Variants in RAD54L2 observed in about 807,000 individuals in gnomAD.
The protein encoded by RAD54L2 is helicase ARIP4.
RAD54L2 carries 27 observed loss-of-function variants against 138.4 expected under a neutral mutation model. The ratio of observed to expected loss-of-function variants is 0.20; its 90% CI spans 0.14 to 0.27. The LOEUF (loss-of-function observed/expected upper bound fraction) is 0.27. Ranked by LOEUF, RAD54L2 falls within the 10% of genes least tolerant of loss-of-function variation. The pLI, the probability that RAD54L2 is intolerant of heterozygous loss-of-function variation, is 1.00. For missense variants in RAD54L2, 1,396 were observed against 1,890.2 expected (o/e 0.74, Z 4.85); for synonymous variants, 644 against 723.2 (o/e 0.89, Z 1.76).
At chr3:51,608,847 G>A (rs1330079928) in intron 3 of RAD54L2, among the ~76,000 whole-genome samples, 2 of 152,128 alleles carry the variant, frequency 1.3e-5, no homozygotes, top group African/African-American at 4.8e-5. Flanking sequence ...GAGGGAGACC[G>A]TGCAAAGAGG....
At chr3:51,626,027 C>T (rs1432862476) in intron 3 of RAD54L2, among the ~76,000 whole-genome samples, 2 of 151,766 alleles carry the variant, frequency 1.3e-5, no homozygotes, top group Non-Finnish European at 2.9e-5. Context: ...GGTGAAATCC[C>T]AATAAAGTCT....
intron 3 of RAD54L2, among the ~76,000 whole-genome samples, chr3:51,618,929 G>A (rs1185331330): frequency 6.6e-6 from 1 of 152,216 alleles, no homozygotes; most frequent in Non-Finnish European, 1.5e-5. Context: ...TGCTGAAGCT[G>A]CTGTGGGATA....
chr3:51,589,701 CACACACAT>C (rs988924990), intron 2 of RAD54L2, among the ~76,000 whole-genome samples: 5 of 151,678 alleles, frequency 3.3e-5, no homozygotes, highest in African/African-American at 9.7e-5. Context: ...CACACACACA[CACACACAT>C]ACACACACAT....
At chr3:51,628,054 T>G (rs2106792201) in intron 4 of RAD54L2, among the ~76,000 whole-genome samples, 1 of 152,254 alleles carries the variant, frequency 6.6e-6, no homozygotes, top group East Asian at 1.9e-4. Context: ...GACTTTCCGG[T>G]TTTTCCTCTA....
chr3:51,634,715 A>AC (rs1221941069), intron 9 of RAD54L2, among the ~76,000 whole-genome samples: 1 of 152,080 alleles, frequency 6.6e-6, no homozygotes, highest in Non-Finnish European at 1.5e-5. Flanking sequence ...TTTCTTAAAA[A>AC]CCTAATCATT....
At chr3:51,593,329 T>C (rs920358232) in intron 3 of RAD54L2, among the ~76,000 whole-genome samples, 1 of 151,674 alleles carries the variant, frequency 6.6e-6, no homozygotes, top group African/African-American at 2.4e-5. Context: ...CAGCCCCTTT[T>C]TTTTTTTTTT....
Position 51,570,050 on chromosome 3 carries a change from C to A in RAD54L2, c.-54-20317C>A, listed in dbSNP as rs1368758875. Among the ~76,000 whole-genome samples, 4 of 151,274 alleles carry A rather than the reference C, an allele frequency of 2.6e-5. No homozygotes were observed. The South Asian group carries it at 6.3e-4, about 24-fold the overall frequency. ...GTCTCACTATGTTGCCCAGGCTGTT[C>A]TCAAACTCCTGTCCTCAAGTGATCC... On this transcript the variant is annotated intron_variant, in intron 2 of 22. Coordinates refer to ENST00000684192, the MANE Select transcript of RAD54L2 (RefSeq NM_015106.4).
intron 2 of RAD54L2, among the ~76,000 whole-genome samples, chr3:51,580,978 T>C (rs1699594545): frequency 2.0e-5 from 3 of 152,240 alleles, no homozygotes; most frequent in Admixed American, 2.0e-4. Flanking sequence ...TTAACACTTT[T>C]ATTTGTACTA....
intron 3 of RAD54L2, among the ~76,000 whole-genome samples, chr3:51,601,310 C>CTTTTTTTTTTTTTTTTT (rs779030766): frequency 1.6e-5 from 2 of 123,116 alleles, no homozygotes; most frequent in African/African-American, 6.1e-5. Flanking sequence ...CTGCGCCCGG[C>CTTTTTTTTTTTTTTTTT]TTTTTTTTTT....
At position 51,668,372 on chromosome 3, in the gene RAD54L2, GTCT is replaced by G. The variant is rs1701954954; in HGVS notation, c.*4957_*4959del. 1 of 152,156 alleles carries G rather than the reference GTCT, an allele frequency of 6.6e-6. No homozygotes were observed. The highest frequency in any genetic ancestry group is 1.5e-5 in the Non-Finnish European group (1 of 68,054). 9.4% of individuals were successfully genotyped at this position (152,156 alleles called of 1,614,324 possible). ...TCCTGGCACCTGGCTTTGGTTTTCC[GTCT>G]TCTTTCCTCAGGACGCCCCTGAGGC... On this transcript the variant is annotated 3_prime_UTR_variant, in exon 23 of 23. Coordinates refer to ENST00000684192, the MANE Select transcript of RAD54L2 (RefSeq NM_015106.4).
At chr3:51,568,113 G>A (rs565622501) in intron 2 of RAD54L2, among the ~76,000 whole-genome samples, 1 of 152,186 alleles carries the variant, frequency 6.6e-6, no homozygotes, top group African/African-American at 2.4e-5. Context: ...TGCGGTGTGG[G>A]GCATTTGGTA....
intron 2 of RAD54L2, among the ~76,000 whole-genome samples, chr3:51,560,362 CTTT>C (rs61485263): frequency 2.9e-5 from 4 of 138,694 alleles, no homozygotes; most frequent in Non-Finnish European, 4.7e-5. Flanking sequence ...TCTTTTTTTT[CTTT>C]TTTTTTTTTT....
intron 1 of RAD54L2, among the ~76,000 whole-genome samples, chr3:51,540,278 ATCT>A (rs1559609235): frequency 6.6e-6 from 1 of 152,238 alleles, no homozygotes; most frequent in African/African-American, 2.4e-5. Flanking sequence ...ATGAAATTTC[ATCT>A]TCTCTTACTG....
intron 2 of RAD54L2, among the ~76,000 whole-genome samples, chr3:51,549,719 A>G (rs1698788475): frequency 1.3e-5 from 2 of 149,038 alleles, no homozygotes; most frequent in African/African-American, 2.5e-5. Context: ...TGGAGGTTAC[A>G]GTGAACTGAG....
intron 2 of RAD54L2, among the ~76,000 whole-genome samples, chr3:51,562,929 G>A (rs1020972938): frequency 1.3e-5 from 2 of 152,094 alleles, no homozygotes; most frequent in Admixed American, 6.6e-5. Flanking sequence ...ATGAGCCACC[G>A]AGTCTGGCCA....
chr3:51,593,719 T>G (rs1022480648), intron 3 of RAD54L2, among the ~76,000 whole-genome samples: 3 of 152,242 alleles, frequency 2.0e-5, no homozygotes, highest in African/African-American at 7.2e-5. Flanking sequence ...CACAAGCATG[T>G]GAACAATCTT....
intron 1 of RAD54L2, among the ~76,000 whole-genome samples, chr3:51,540,492 G>A (rs894707442): frequency 6.6e-6 from 1 of 152,170 alleles, no homozygotes; most frequent in Non-Finnish European, 1.5e-5. Context: ...GCTGTGGGCC[G>A]GAGCTCTGTA....
intron 2 of RAD54L2, among the ~76,000 whole-genome samples, chr3:51,585,180 T>C (rs1258020848): frequency 6.6e-6 from 1 of 151,752 alleles, no homozygotes; most frequent in South Asian, 2.1e-4. Flanking sequence ...TGTATAGATA[T>C]TCTTCAAGAA....
intron 9 of RAD54L2, 81 bp from the exon 10 acceptor site, chr3:51,635,512 A>G (rs111993001): frequency 1.5e-5 from 21 of 1,413,372 alleles, no homozygotes; most frequent in African/African-American, 1.4e-4. Flanking sequence ...ATTGTGAGCA[A>G]TTCTTCCTTG....
Sources: allele counts gnomAD v4.1 joint callset (sites outside exome capture counted in the v4.1 genomes callset), GRCh38; gene constraint gnomAD v4.1.1; transcripts MANE v1.5; gene names NCBI Gene and HGNC (gene_info 2026-07-23, HGNC 2026-07-21).